TNPO2: variants seen among roughly 807,000 people sequenced by gnomAD.
The protein encoded by TNPO2 is transportin-2.
A neutral mutation model predicts 111.1 loss-of-function variants in TNPO2; 16 were observed. The ratio of observed to expected loss-of-function variants is 0.14; its 90% CI spans 0.10 to 0.22. The LOEUF (loss-of-function observed/expected upper bound fraction) is 0.22. Ranked by LOEUF, TNPO2 falls within the 10% of genes least tolerant of loss-of-function variation. The pLI is 1.00. For missense variants in TNPO2, 530 were observed against 1,173.7 expected, an observed-to-expected ratio of 0.45 and a Z score of 8.01; for synonymous variants, 481 against 475.8, an observed-to-expected ratio of 1.01 and a Z score of -0.14.
At chr19:12,714,793 T>C in intron 10 of TNPO2, 28 bp downstream of exon 10, 1 of 1,591,508 alleles carries the variant, frequency 6.3e-7, no homozygotes, top group Non-Finnish European at 8.6e-7. Flanking sequence ...GAAGCTGGGG[T>C]AGGACAGTGG....
rs747015494 is a variant in TNPO2, at chr19:12,706,782, G to C, written c.1284C>G (p.Gly428=). 1 of 1,607,898 alleles carries C rather than the reference G, an allele frequency of 6.2e-7. No individual in the cohort carries two copies. The part of the protein sequence containing the change: ...LGAIAEGCMQ[G]MVPYLPELIP... ...TCAGCTCAGGCAGGTAGGGCACCAT[G>C]CCCTGCATGCAGCCTACAAGGAAAG... The change falls in exon 14 of 26, where the codon GGC becomes GGG. Residue 428 remains glycine (G), a synonymous_variant. Transcript: ENST00000425528. This position sits in a 1 kb window ranked among gnomAD's most constrained non-coding sequence, Gnocchi z 7.0.
At chr19:12,717,150 G>A (rs1022474249) in intron 5 of TNPO2, among the ~76,000 whole-genome samples, 2 of 152,000 alleles carry the variant, frequency 1.3e-5, no homozygotes, top group African/African-American at 4.8e-5. Context: ...TACACAGTGA[G>A]GATTGTGGAA....
chr19:12,703,157 C>T, intron 20 of TNPO2: 2 of 585,900 alleles, frequency 3.4e-6, no homozygotes, highest in Non-Finnish European at 6.0e-6. Flanking sequence ...TGACAACACG[C>T]TGCCCAAGTC....
rs1364553602 is a variant in TNPO2, at chr19:12,701,352, C to T, written c.2688G>A (p.Gly896=). The change falls in exon 25 of 26, where the codon GGG becomes GGA. Residue 896 remains glycine (G), a synonymous_variant. Transcript: ENST00000425528. The surrounding 1 kb of genome is among the most constrained non-coding windows in gnomAD (Gnocchi z 5.0). ...TGGCAGTCTCCATGATCACCTAGACCCCATAGAAAGCCGCCAGCCTCTCCT... is the reference window on the plus strand; with the variant it reads ...TGGCAGTCTCCATGATCACCTAGACTCCATAGAAAGCCGCCAGCCTCTCCT... ...LLKERLAAFY[G]V 4.3e-6 allele frequency: 7 copies of T among 1,613,480 alleles called. No homozygotes were observed. The highest frequency in any genetic ancestry group is 5.9e-6 in the Non-Finnish European group (7 of 1,179,678).
chr19:12,721,697 G>C lies in TNPO2; in HGVS notation c.-13-707C>G, dbSNP rs1966963942. The C allele has an allele frequency of 4.7e-6, 1 of 214,996 alleles. No individual in the cohort carries two copies. The highest frequency in any genetic ancestry group is 6.2e-5 in the Admixed American group (1 of 16,118). The allele number at this position is 214,996 out of a possible 1,614,324, so 13.3% of individuals were successfully genotyped here. On this transcript the variant is annotated intron_variant, in intron 2 of 25. Coordinates refer to ENST00000425528, the MANE Select transcript of TNPO2 (RefSeq NM_001382241.1). The surrounding 1 kb of genome is among the most constrained non-coding windows in gnomAD (Gnocchi z 4.9). ...AGGTCTCTGCTGCCTCTTCGAATGA[G>C]AGCCAGCCAAGCCCGGCCAACCCAC...
Position 12,710,724 on chromosome 19 carries a change from C to T in TNPO2, c.1167G>A (p.Glu389=), listed in dbSNP as rs1314731264. 12 of 1,613,392 alleles carry T rather than the reference C, an allele frequency of 7.4e-6. No individual in the cohort carries two copies. Among genetic ancestry groups the T allele is most frequent in the African/African-American group, 1.3e-5 (1 of 74,900 alleles). The change falls in exon 13 of 26, where the codon GAG becomes GAA. Residue 389 remains glutamate, a synonymous_variant. Coordinates refer to ENST00000425528, the MANE Select transcript of TNPO2 (RefSeq NM_001382241.1). The part of the protein sequence containing the change: ...ALDVLANVFR[E]ELLPHLLPLL... ...GTGGGAGTAGGTGGGGCAGCAGTTCCTCCCGGAAGACATTGGCGAGGACGT... is the reference window on the plus strand; with the variant it reads ...GTGGGAGTAGGTGGGGCAGCAGTTCTTCCCGGAAGACATTGGCGAGGACGT...
At chr19:12,707,187 C>T (rs1225296015) in intron 13 of TNPO2, among the ~76,000 whole-genome samples, 3 of 152,036 alleles carry the variant, frequency 2.0e-5, no homozygotes, top group African/African-American at 7.2e-5. Flanking sequence ...TCAGTAGAGA[C>T]AGGGTTTTAC....
In TNPO2 at chr19:12,706,711, C is replaced by T. The variant is rs754146074; in HGVS notation, c.1355G>A (p.Arg452His). Residue 452 changes from arginine (R) to histidine (H), a missense_variant, in exon 14 of 26, where the codon CGC (arginine) becomes CAC (histidine). Transcript: ENST00000425528. This position sits in a 1 kb window ranked among gnomAD's most constrained non-coding sequence, Gnocchi z 7.0. ...QCLSDKKALV[R>H]SIACWTLSRY... ...GCTCAGCGTCCAGCAGGCGATGGAG[C>T]GGACCAAGGCCTTCTTATCCGACAG... 2 of 1,613,692 alleles carry T rather than the reference C, an allele frequency of 1.2e-6. No individual in the cohort carries two copies. Among genetic ancestry groups the T allele is most frequent in the African/African-American group, 1.3e-5 (1 of 74,998 alleles).
chr19:12,717,537 G>A (rs915569652), intron 5 of TNPO2, among the ~76,000 whole-genome samples: 1 of 152,120 alleles, frequency 6.6e-6, no homozygotes, highest in Non-Finnish European at 1.5e-5. Flanking sequence ...CTCCCAAGGT[G>A]CTGGGATTAG....
chr19:12,713,743 G>A (rs1401641047), intron 10 of TNPO2, among the ~76,000 whole-genome samples: 1 of 151,836 alleles, frequency 6.6e-6, no homozygotes, highest in Non-Finnish European at 1.5e-5. Context: ...ATAATGATCT[G>A]GGGGCTGGGT....
chr19:12,718,140 G>A (rs1374965965), intron 5 of TNPO2, among the ~76,000 whole-genome samples: 1 of 151,964 alleles, frequency 6.6e-6, no homozygotes, highest in African/African-American at 2.4e-5. Context: ...GAGTAGCTGG[G>A]ATTATAGATG....
rs1408980058 is a variant in TNPO2, at chr19:12,719,559, A to G, written c.100-223T>C. Among the ~76,000 whole-genome samples the G allele has an allele frequency of 6.6e-6, 1 of 152,120 alleles. No individual in the cohort carries two copies. The highest frequency in any genetic ancestry group is 1.5e-5 in the Non-Finnish European group (1 of 68,014). On this transcript the variant is annotated intron_variant, in intron 3 of 25. Transcript: ENST00000425528. This position sits in a 1 kb window ranked among gnomAD's most constrained non-coding sequence, Gnocchi z 5.0. ...GCCTGTAATCCCAGCACTTTTTGGGAGGTCAAGGCGGGTGGATCACAAGGT... is the reference window on the plus strand; with the variant it reads ...GCCTGTAATCCCAGCACTTTTTGGGGGGTCAAGGCGGGTGGATCACAAGGT...
chr19:12,715,239 C>T lies in TNPO2; in HGVS notation c.648+4G>A. 1 of 1,613,748 alleles carries T rather than the reference C, an allele frequency of 6.2e-7. No individual in the cohort carries two copies. Among genetic ancestry groups the T allele is most frequent in the Non-Finnish European group, 8.5e-7 (1 of 1,179,812 alleles). Reference sequence around the variant, plus strand: ...CCCTGCCCACCCCCAGCCCAGCGGCCCACCTCGATGAAGGTGTCAATATTG... The same window carrying T: ...CCCTGCCCACCCCCAGCCCAGCGGCTCACCTCGATGAAGGTGTCAATATTG... On this transcript the variant is annotated splice_donor_region_variant and intron_variant, in intron 8 of 25. Coordinates refer to ENST00000425528, the MANE Select transcript of TNPO2 (RefSeq NM_001382241.1). The surrounding 1 kb of genome is among the most constrained non-coding windows in gnomAD (Gnocchi z 7.1).
intron 13 of TNPO2, among the ~76,000 whole-genome samples, chr19:12,707,052 G>C (rs978088818): frequency 1.3e-5 from 2 of 152,134 alleles, no homozygotes; most frequent in African/African-American, 4.8e-5. Flanking sequence ...AGGCTGGGGC[G>C]CAGTGGTACG....
At position 12,721,967 on chromosome 19, in the gene TNPO2, A is replaced by G. The variant is rs1260313291; in HGVS notation, c.-13-977T>C. 6.9e-6 allele frequency among the ~76,000 whole-genome samples: 1 copy of G among 145,612 alleles called. No homozygotes were observed. Among genetic ancestry groups the G allele is most frequent in the Non-Finnish European group, 1.5e-5 (1 of 66,886 alleles). On this transcript the variant is annotated intron_variant, in intron 2 of 25. Coordinates refer to ENST00000425528, the MANE Select transcript of TNPO2 (RefSeq NM_001382241.1). The surrounding 1 kb of genome is among the most constrained non-coding windows in gnomAD (Gnocchi z 4.9). Reference sequence around the variant, plus strand: ...CGGGGCATTCCCCTCAACGGATCCCAGCAACGCCTCGAAGTCAGATCCAAG... The same window carrying G: ...CGGGGCATTCCCCTCAACGGATCCCGGCAACGCCTCGAAGTCAGATCCAAG...
chr19:12,706,191 C>A lies in TNPO2; in HGVS notation c.1668+5G>T. 6.2e-7 allele frequency: 1 copy of A among 1,613,128 alleles called. No homozygotes were observed. Among genetic ancestry groups the A allele is most frequent in the Non-Finnish European group, 8.5e-7 (1 of 1,179,586 alleles). ...CGGGAGGCGGGAGCCGCTCTGGGGT[C>A]TCACCGGCTGGTTGAGGTGGTGGCC... On this transcript the variant is annotated splice_donor_5th_base_variant and intron_variant, in intron 15 of 25. Coordinates refer to ENST00000425528, the MANE Select transcript of TNPO2 (RefSeq NM_001382241.1). The surrounding 1 kb of genome is among the most constrained non-coding windows in gnomAD (Gnocchi z 7.0).
chr19:12,715,766 C>A lies in TNPO2; in HGVS notation c.326-27G>T. 6.3e-7 allele frequency: 1 copy of A among 1,577,990 alleles called. No individual in the cohort carries two copies. Among genetic ancestry groups the A allele is most frequent in the Non-Finnish European group, 8.6e-7 (1 of 1,162,270 alleles). ...TGGGGCGGCCGGGAAAGGACGCTGC[C>A]TGAGGCTGGGCAGGGGCTGCCTAGC... On this transcript the variant is annotated intron_variant, in intron 5 of 25. Coordinates refer to ENST00000425528, the MANE Select transcript of TNPO2 (RefSeq NM_001382241.1). The surrounding 1 kb of genome is among the most constrained non-coding windows in gnomAD (Gnocchi z 7.1).
At position 12,702,842 on chromosome 19, in the gene TNPO2, C is replaced by CT; in HGVS notation, c.2285dup (p.Thr763AspfsTer93). ...GCCCACCTGTGTTTTCCAGCAGTGT[C>CT]TTGGGTGTGTTGGGTCGGTTAATGA... On this transcript the variant is annotated frameshift_variant, in exon 21 of 26. Coordinates refer to ENST00000425528, the MANE Select transcript of TNPO2 (RefSeq NM_001382241.1). LOFTEE classifies it high-confidence loss of function. The surrounding 1 kb of genome is among the most constrained non-coding windows in gnomAD (Gnocchi z 5.5). The CT allele has an allele frequency of 6.2e-7, 1 of 1,613,908 alleles. No individual in the cohort carries two copies. The highest frequency in any genetic ancestry group is 8.5e-7 in the Non-Finnish European group (1 of 1,179,826).
chr19:12,706,540 G>GT lies in TNPO2; in HGVS notation c.1496+29_1496+30insA. The GT allele has an allele frequency of 6.2e-7, 1 of 1,610,170 alleles. No homozygotes were observed. The highest frequency in any genetic ancestry group is 1.1e-5 in the South Asian group (1 of 90,964). On this transcript the variant is annotated intron_variant, in intron 14 of 25. Coordinates refer to ENST00000425528, the MANE Select transcript of TNPO2 (RefSeq NM_001382241.1). The surrounding 1 kb of genome is among the most constrained non-coding windows in gnomAD (Gnocchi z 7.0). ...CCCAGAGGGTGGCCGGGGGAGAGTG[G>GT]GGGCTGTGGGATCAGGGGTCCAGGG...
Sources: allele counts gnomAD v4.1 joint callset (sites outside exome capture counted in the v4.1 genomes callset), GRCh38; gene constraint gnomAD v4.1.1; non-coding constraint Gnocchi (gnomAD v3.1); transcripts MANE v1.5; gene names NCBI Gene and HGNC (gene_info 2026-07-23, HGNC 2026-07-21).